Variants in ARHGAP6 observed in about 807,000 individuals in gnomAD.
ARHGAP6 encodes the protein rho GTPase-activating protein 6.
Under a neutral mutation model 55.7 loss-of-function variants are expected in ARHGAP6, and 16 were observed. The observed-to-expected ratio is 0.29, with a 90% CI of 0.19 to 0.44. The LOEUF is 0.44. Among genes scored for constraint, ARHGAP6 ranks in the 20% least tolerant of loss-of-function variants. The pLI is 1.00. For missense variants in ARHGAP6, 698 were observed against 808.9 expected, an observed-to-expected ratio of 0.86 and a Z score of 1.66; for synonymous variants, 382 against 360.9, an observed-to-expected ratio of 1.06 and a Z score of -0.66.
chrX:11,633,966 G>A (rs920170021), intron 1 of ARHGAP6, among the ~76,000 whole-genome samples: 9 of 111,291 alleles, frequency 8.1e-5, no homozygotes, highest in Non-Finnish European at 1.3e-4. Context: ...GATCAAATAA[G>A]TTAATATTTG....
At chrX:11,412,099 T>A (rs796251633) in intron 1 of ARHGAP6, among the ~76,000 whole-genome samples, 2 of 111,865 alleles carry the variant, frequency 1.8e-5, no homozygotes, top group Admixed American at 9.5e-5. Flanking sequence ...TACCCCAGAA[T>A]TTCAGTGTTT....
intron 1 of ARHGAP6, among the ~76,000 whole-genome samples, chrX:11,341,219 T>C (rs2048702232): frequency 8.9e-6 from 1 of 111,866 alleles, no homozygotes; most frequent in Non-Finnish European, 1.9e-5. Flanking sequence ...AATAAAATTA[T>C]GATTCCAAAA....
chrX:11,176,386 A>G (rs1174793334), intron 8 of ARHGAP6, among the ~76,000 whole-genome samples: 2 of 85,697 alleles, frequency 2.3e-5, no homozygotes, highest in Non-Finnish European at 4.6e-5. Context: ...GGAAGGAGAG[A>G]CATAAATGGT....
chrX:11,453,052 C>T (rs2050157897), intron 1 of ARHGAP6, among the ~76,000 whole-genome samples: 1 of 108,876 alleles, frequency 9.2e-6, no homozygotes, highest in South Asian at 3.9e-4. Context: ...AATAAGGAAA[C>T]ACTAGTGTAG....
chrX:11,301,676 G>A (rs886779554), intron 1 of ARHGAP6, among the ~76,000 whole-genome samples: 6 of 111,766 alleles, frequency 5.4e-5, no homozygotes, highest in African/African-American at 2.0e-4. Flanking sequence ...AATTGGCATG[G>A]ACCAATTCTA....
intron 1 of ARHGAP6, among the ~76,000 whole-genome samples, chrX:11,393,470 G>A (rs1457028147): frequency 9.0e-6 from 1 of 111,646 alleles, no homozygotes; most frequent in East Asian, 2.8e-4. Flanking sequence ...TAGACATTAT[G>A]TTATTAATAT....
At chrX:11,156,240 C>T (rs982214353) in intron 10 of ARHGAP6, among the ~76,000 whole-genome samples, 3 of 112,231 alleles carry the variant, frequency 2.7e-5, no homozygotes, top group Admixed American at 9.4e-5. Flanking sequence ...AGTCCCTTGC[C>T]AGTAATTTGT....
chrX:11,645,029 T>C (rs1177884814), intron 1 of ARHGAP6, among the ~76,000 whole-genome samples: 1 of 111,919 alleles, frequency 8.9e-6, no homozygotes, highest in Non-Finnish European at 1.9e-5. Context: ...CTATTGATAA[T>C]GCAACAAGTT....
chrX:11,636,055 T>G (rs1254040725), intron 1 of ARHGAP6, among the ~76,000 whole-genome samples: 1 of 111,922 alleles, frequency 8.9e-6, no homozygotes, highest in African/African-American at 3.2e-5. Context: ...AAACTTCATC[T>G]GGGCCGTCAA....
intron 1 of ARHGAP6, among the ~76,000 whole-genome samples, chrX:11,487,812 T>G (rs1158790011): frequency 1.8e-5 from 2 of 111,621 alleles, no homozygotes; most frequent in Admixed American, 1.9e-4. Context: ...ATGAATTGTT[T>G]TCCCTGTAAT....
At chrX:11,515,241 T>C (rs925136467) in intron 1 of ARHGAP6, among the ~76,000 whole-genome samples, 7 of 112,308 alleles carry the variant, frequency 6.2e-5, no homozygotes, top group Non-Finnish European at 9.4e-5. Context: ...ATGTGTTTCA[T>C]GCAGAAGGAA....
At chrX:11,433,410 A>C (rs1302885730) in intron 1 of ARHGAP6, among the ~76,000 whole-genome samples, 1 of 111,965 alleles carries the variant, frequency 8.9e-6, no homozygotes, top group Non-Finnish European at 1.9e-5. Flanking sequence ...TCCATGCCAC[A>C]GAGCCAGGGA....
chrX:11,440,045 G>C (rs2050025129), intron 1 of ARHGAP6, among the ~76,000 whole-genome samples: 1 of 112,144 alleles, frequency 8.9e-6, no homozygotes, highest in Non-Finnish European at 1.9e-5. Context: ...AAGTTGAATG[G>C]GGCTTGCACC....
At chrX:11,520,754 T>C (rs918038794) in intron 1 of ARHGAP6, among the ~76,000 whole-genome samples, 1 of 111,847 alleles carries the variant, frequency 8.9e-6, no homozygotes, top group Admixed American at 9.5e-5. Flanking sequence ...TCCACAGTGG[T>C]TGAACTAGTT....
intron 1 of ARHGAP6, among the ~76,000 whole-genome samples, chrX:11,435,432 C>G (rs1370314952): frequency 8.9e-6 from 1 of 111,869 alleles, no homozygotes; most frequent in Non-Finnish European, 1.9e-5. Flanking sequence ...GGAAGAGGGA[C>G]CAGAAGGAAA....
chrX:11,259,114 C>A (rs1459224327), intron 1 of ARHGAP6, among the ~76,000 whole-genome samples: 3 of 111,614 alleles, frequency 2.7e-5, no homozygotes, highest in African/African-American at 9.8e-5. Flanking sequence ...TAGCCATTAA[C>A]TATCCCCACC....
chrX:11,288,705 T>C (rs2047951657), intron 1 of ARHGAP6, among the ~76,000 whole-genome samples: 2 of 111,684 alleles, frequency 1.8e-5, no homozygotes, highest in African/African-American at 6.5e-5. Context: ...CTACTTTCTG[T>C]TTCTATGGAT....
chrX:11,336,358 T>G (rs2048637410), intron 1 of ARHGAP6, among the ~76,000 whole-genome samples: 1 of 111,394 alleles, frequency 9.0e-6, no homozygotes, highest in African/African-American at 3.3e-5. Flanking sequence ...ATGGCTTCCT[T>G]TGCACCTGGA....
At chrX:11,164,177 C>T (rs1055510745) in intron 9 of ARHGAP6, among the ~76,000 whole-genome samples, 1 of 112,459 alleles carries the variant, frequency 8.9e-6, no homozygotes, top group Non-Finnish European at 1.9e-5. Context: ...TCTTTCCCCA[C>T]AAATGGACTC....
Sources: gnomAD v4.1 joint callset for allele counts (sites outside exome capture counted in the v4.1 genomes callset) on GRCh38, gnomAD v4.1.1 for gene constraint, MANE v1.5 for transcripts, NCBI Gene and HGNC (gene_info 2026-07-23, HGNC 2026-07-21) for gene names.